Variants in MYOF observed in about 807,000 individuals in gnomAD.
MYOF encodes fer-1-like 3, myoferlin.
Under a neutral mutation model 284.2 loss-of-function variants are expected in MYOF, and 244 were observed. That is an observed-to-expected ratio of 0.86 (90% CI 0.77 to 0.95). MYOF has a LOEUF of 0.95. Among genes scored for constraint, MYOF ranks in the 40% least tolerant of loss-of-function variants. The probability of loss-of-function intolerance (pLI) is 0.00; values close to 1 mark genes in which losing one functional copy is unlikely to be tolerated. For missense variants in MYOF, 2,496 were observed against 2,560.6 expected (o/e 0.97, Z 0.54); for synonymous variants, 904 against 919.7 (o/e 0.98, Z 0.31).
At position 93,357,845 on chromosome 10, in the gene MYOF, G is replaced by C. The variant is rs542210042; in HGVS notation, c.3121-997C>G. Among the ~76,000 whole-genome samples the C allele has an allele frequency of 4.6e-5, 7 of 152,262 alleles. No individual in the cohort carries two copies. In the South Asian group the frequency reaches 1.5e-3, roughly 32 times the overall value. ...CATATCCTGAGCCTTCTAACTGATG[G>C]CTCAGTGTTCTTCCCGCTTCAACTT... On this transcript the variant is annotated intron_variant, in intron 29 of 53. Coordinates refer to ENST00000359263, the MANE Select transcript of MYOF (RefSeq NM_013451.4).
intron 48 of MYOF, 24 bp downstream of exon 48, chr10:93,323,052 CAA>C (rs750213583): frequency 9.4e-6 from 15 of 1,596,524 alleles, no homozygotes; most frequent in African/African-American, 4.0e-5. Context: ...CTGAGCTTGG[CAA>C]AGTCTCTCAC....
At position 93,480,476 on chromosome 10, in the gene MYOF, T is replaced by C. The variant is rs1011647865; in HGVS notation, c.88+1631A>G. Among the ~76,000 whole-genome samples, 85 of 137,220 alleles carry C rather than the reference T, an allele frequency of 6.2e-4. 1 individual carries two copies. The highest frequency in any genetic ancestry group is 7.9e-5 in the Non-Finnish European group (5 of 63,388). The allele number at this position is 137,220 out of a possible 152,430, so 90.0% of individuals were successfully genotyped here. ...ACCAACAATTTGCCAGCTTTTTTTT[T>C]TTTTTTTTTTTTTTTTTGAGACGGA... On this transcript the variant is annotated intron_variant, in intron 1 of 53. Transcript: ENST00000359263.
chr10:93,376,002 AC>A (rs1845818823), intron 22 of MYOF, among the ~76,000 whole-genome samples: 1 of 152,192 alleles, frequency 6.6e-6, no homozygotes, highest in African/African-American at 2.4e-5. Context: ...ATTTCCACTC[AC>A]TTGAATTTCA....
chr10:93,447,681 T>C (rs983675100), intron 3 of MYOF, among the ~76,000 whole-genome samples: 1 of 152,182 alleles, frequency 6.6e-6, no homozygotes, highest in Non-Finnish European at 1.5e-5. Flanking sequence ...AAAGGACTCC[T>C]GAATTAGTCT....
At chr10:93,307,597 G>A (rs1842174817) in intron 53 of MYOF, among the ~76,000 whole-genome samples, 1 of 150,928 alleles carries the variant, frequency 6.6e-6, no homozygotes, top group African/African-American at 2.4e-5. Flanking sequence ...ACCACGCCCT[G>A]CAGTAACCAC....
intron 3 of MYOF, among the ~76,000 whole-genome samples, chr10:93,437,215 A>G (rs1442070726): frequency 1.3e-5 from 2 of 152,220 alleles, no homozygotes; most frequent in Non-Finnish European, 2.9e-5. Context: ...ATTGTAAACC[A>G]GTCAACTTAG....
intron 51 of MYOF, 39 bp downstream of exon 51, chr10:93,312,981 C>A: frequency 6.4e-7 from 1 of 1,564,946 alleles, no homozygotes; most frequent in Non-Finnish European, 8.7e-7. Flanking sequence ...TGATAAAAGG[C>A]ATAAACGATT....
At chr10:93,419,567 T>C (rs950231878) in intron 5 of MYOF, among the ~76,000 whole-genome samples, 1 of 152,222 alleles carries the variant, frequency 6.6e-6, no homozygotes, top group Non-Finnish European at 1.5e-5. Flanking sequence ...TATTAACAAT[T>C]ATGACTTCTC....
intron 53 of MYOF, among the ~76,000 whole-genome samples, chr10:93,309,072 T>C (rs1349448748): frequency 1.3e-5 from 2 of 152,214 alleles, no homozygotes; most frequent in Non-Finnish European, 2.9e-5. Context: ...TGACATTCAG[T>C]GCCACTGGCC....
At chr10:93,449,464 G>T (rs1195288743) in intron 3 of MYOF, among the ~76,000 whole-genome samples, 2 of 152,198 alleles carry the variant, frequency 1.3e-5, no homozygotes. Context: ...GGAGGCTAGT[G>T]TGAGGCCCTC....
At position 93,325,930 on chromosome 10, in the gene MYOF, G is replaced by C; in HGVS notation, c.5167C>G (p.Pro1723Ala). The change falls in exon 46 of 54, where the codon CCT becomes GCT. Residue 1723 changes from proline (P) to alanine (A), a missense_variant. By Grantham distance (27) the Pro-to-Ala change is conservative. This residue lies in a region of MYOF where 2,436 missense variants were observed against 2,480.7 expected (regional missense o/e 0.98). Transcript: ENST00000359263. ...ATGTGAAGAGCAAGCCGCTCTTCAG[G>C]GGCCCCGAGGTGCTGGTGCAGGATT... ...NKILHQHLGA[P>A]EERLALHILR... The C allele has an allele frequency of 1.9e-6, 3 of 1,614,028 alleles. No individual in the cohort carries two copies. Among genetic ancestry groups the C allele is most frequent in the African/African-American group, 1.3e-5 (1 of 75,022 alleles).
intron 38 of MYOF, chr10:93,341,910 T>C: frequency 7.8e-7 from 1 of 1,289,726 alleles, no homozygotes; most frequent in Non-Finnish European, 1.0e-6. Flanking sequence ...TTATCATACA[T>C]ACATGCACTG....
At chr10:93,444,190 G>C (rs1052140688) in intron 3 of MYOF, among the ~76,000 whole-genome samples, 1 of 152,194 alleles carries the variant, frequency 6.6e-6, no homozygotes, top group Non-Finnish European at 1.5e-5. Context: ...ACAGCTGCAA[G>C]GTGCTTCTTA....
Position 93,311,593 on chromosome 10 carries a change from A to C in MYOF, c.5890-950T>G, listed in dbSNP as rs147881400. On this transcript the variant is annotated intron_variant, in intron 51 of 53. Transcript: ENST00000359263. ...GACAGAGTGAGACTTCATCTCTAAA[A>C]AAAAAAAAAAAAGCAACAAACCTGC... Among the ~76,000 whole-genome samples the C allele has an allele frequency of 2.1e-3, 310 of 148,538 alleles. 3 individuals carry two copies. Among genetic ancestry groups the C allele is most frequent in the Middle Eastern group, 3.6e-3 (1 of 280 alleles).
intron 1 of MYOF, among the ~76,000 whole-genome samples, chr10:93,463,494 T>G (rs10786099): frequency 0.95 from 141,415 of 148,298 alleles, 67,809 homozygotes; most frequent in East Asian, 1. Flanking sequence ...CCGCCTCCTG[T>G]GTTCAAGTGA....
chr10:93,392,753 G>A (rs1039435260), intron 17 of MYOF, among the ~76,000 whole-genome samples, 164 bp downstream of exon 17: 14 of 152,164 alleles, frequency 9.2e-5, no homozygotes, highest in African/African-American at 2.7e-4. Context: ...AAGCTTAGCC[G>A]TGCAGGACAA....
intron 5 of MYOF, among the ~76,000 whole-genome samples, chr10:93,418,832 G>A (rs1848242576): frequency 1.3e-5 from 2 of 152,260 alleles, no homozygotes; most frequent in African/African-American, 4.8e-5. Context: ...TGTTTATGAT[G>A]AGCACTTTGA....
chr10:93,338,326 A>G (rs759007998), intron 39 of MYOF: 10 of 457,848 alleles, frequency 2.2e-5, no homozygotes, highest in Non-Finnish European at 3.9e-5. Context: ...AATGCCTTGT[A>G]ATACAATACT....
chr10:93,400,853 G>GTTTTTTTTTTTTTTTTTTTTTTTTTTTTT (rs551007757), intron 12 of MYOF, among the ~76,000 whole-genome samples: 1 of 113,950 alleles, frequency 8.8e-6, no homozygotes, highest in Non-Finnish European at 1.8e-5. Flanking sequence ...TGCTCAGCAT[G>GTTTTTTTTTTTTTTTTTTTTTTTTTTTTT]TTTTTTTTTT....
Sources: gnomAD v4.1 joint callset for allele counts (sites outside exome capture counted in the v4.1 genomes callset) on GRCh38, gnomAD v4.1.1 for gene constraint, gnomAD v4.1.1 regional missense constraint, MANE v1.5 for transcripts, NCBI Gene and HGNC (gene_info 2026-07-23, HGNC 2026-07-21) for gene names.